The following KHDRBS2 variants were observed in gnomAD, a reference collection of about 807,000 sequenced individuals.
The protein encoded by KHDRBS2 is KH domain-containing, RNA-binding, signal transduction-associated protein 2.
A neutral mutation model predicts 44.3 loss-of-function variants in KHDRBS2; 26 were observed. The observed-to-expected ratio is 0.59, with a 90% CI of 0.43 to 0.81. The LOEUF is 0.81. KHDRBS2 is among the 40% of genes least tolerant of loss of function. The pLI is 0.00. For missense variants in KHDRBS2, 476 were observed against 433.1 expected (o/e 1.10, Z -0.88); for synonymous variants, 194 against 151.1 (o/e 1.28, Z -2.08).
At chr6:61,877,627 A>T (rs1379609470) in intron 6 of KHDRBS2, among the ~76,000 whole-genome samples, 3 of 151,884 alleles carry the variant, frequency 2.0e-5, no homozygotes, top group Non-Finnish European at 4.4e-5. Context: ...AACTACTTTT[A>T]AAAAAACTAT....
At chr6:61,926,385 C>T (rs935460197) in intron 4 of KHDRBS2, among the ~76,000 whole-genome samples, 10 of 151,934 alleles carry the variant, frequency 6.6e-5, no homozygotes, top group East Asian at 1.9e-4. Context: ...TGCAGGCAAA[C>T]GGATTACAAA....
intron 1 of KHDRBS2, among the ~76,000 whole-genome samples, chr6:62,244,424 T>C (rs1210601635): frequency 6.6e-6 from 1 of 152,040 alleles, no homozygotes; most frequent in Non-Finnish European, 1.5e-5. Flanking sequence ...AGTTCTGCTT[T>C]AAAAAACAAA....
intron 3 of KHDRBS2, among the ~76,000 whole-genome samples, chr6:62,023,589 G>C (rs949351647): frequency 2.0e-5 from 3 of 151,482 alleles, no homozygotes; most frequent in African/African-American, 7.2e-5. Context: ...GCCTAAATGA[G>C]TAATATCCAA....
the KHDRBS2 span, among the ~76,000 whole-genome samples, chr6:61,556,677 C>G: frequency 6.6e-6 from 1 of 151,846 alleles, no homozygotes; most frequent in Non-Finnish European, 1.5e-5. Flanking sequence ...CAAAAAAGAA[C>G]CTAATTCAGC....
At chr6:61,597,916 T>C in the KHDRBS2 span, among the ~76,000 whole-genome samples, 2 of 137,580 alleles carry the variant, frequency 1.5e-5, no homozygotes, top group Non-Finnish European at 3.2e-5. Flanking sequence ...TTTTTTGTGT[T>C]TTTTTTTTTA....
At chr6:61,848,546 TATATAC>T (rs1794913425) in intron 6 of KHDRBS2, among the ~76,000 whole-genome samples, 1 of 57,638 alleles carries the variant, frequency 1.7e-5, no homozygotes, top group Non-Finnish European at 2.8e-5. Context: ...TATATGTATA[TATATAC>T]ATATATATAT....
At chr6:61,981,118 G>A (rs540544721) in intron 3 of KHDRBS2, among the ~76,000 whole-genome samples, 1 of 152,114 alleles carries the variant, frequency 6.6e-6, no homozygotes, top group Non-Finnish European at 1.5e-5. Flanking sequence ...GAGCACCTTA[G>A]ATCCACACTG....
chr6:61,570,485 A>G, the KHDRBS2 span, among the ~76,000 whole-genome samples: 39 of 152,080 alleles, frequency 2.6e-4, no homozygotes, highest in African/African-American at 8.9e-4. Flanking sequence ...AAAGTTTGAA[A>G]AACTTATTTG....
At chr6:61,917,510 G>A (rs1807237926) in intron 4 of KHDRBS2, among the ~76,000 whole-genome samples, 1 of 151,808 alleles carries the variant, frequency 6.6e-6, no homozygotes, top group Admixed American at 6.6e-5. Context: ...ATGAATAGGT[G>A]GAGCACAGAA....
intron 1 of KHDRBS2, among the ~76,000 whole-genome samples, chr6:62,201,899 T>G (rs1230822377): frequency 2.0e-5 from 3 of 152,074 alleles, no homozygotes; most frequent in Admixed American, 6.6e-5. Flanking sequence ...CATAAATATT[T>G]AGAGCATATG....
At chr6:61,991,321 T>C (rs1369960979) in intron 3 of KHDRBS2, among the ~76,000 whole-genome samples, 12 of 152,170 alleles carry the variant, frequency 7.9e-5, no homozygotes, top group Non-Finnish European at 1.3e-4. Context: ...TCTTTGTAGA[T>C]AGTATTTTGA....
At chr6:61,687,867 T>C (rs1032225737) in intron 8 of KHDRBS2, among the ~76,000 whole-genome samples, 1 of 151,786 alleles carries the variant, frequency 6.6e-6, no homozygotes, top group Non-Finnish European at 1.5e-5. Context: ...ATGCATAATT[T>C]TTATCAGCTT....
chr6:62,211,343 C>T (rs1162127298), intron 1 of KHDRBS2, among the ~76,000 whole-genome samples: 1 of 152,022 alleles, frequency 6.6e-6, no homozygotes, highest in Non-Finnish European at 1.5e-5. Context: ...ACTAATAATG[C>T]ATTAGTTAAT....
chr6:61,772,275 C>G (rs1781056585), intron 6 of KHDRBS2, among the ~76,000 whole-genome samples: 1 of 152,020 alleles, frequency 6.6e-6, no homozygotes, highest in South Asian at 2.1e-4. Flanking sequence ...AAAGCAAGAG[C>G]AAACACATTC....
chr6:61,556,754 C>T, the KHDRBS2 span, among the ~76,000 whole-genome samples: 5 of 151,946 alleles, frequency 3.3e-5, no homozygotes, highest in Non-Finnish European at 5.9e-5. Flanking sequence ...TGCTTTAAGC[C>T]TTCCTCACCT....
intron 6 of KHDRBS2, among the ~76,000 whole-genome samples, chr6:61,768,540 C>T (rs1294620893): frequency 1.3e-5 from 2 of 152,000 alleles, no homozygotes; most frequent in Non-Finnish European, 2.9e-5. Flanking sequence ...ATGCTTCACT[C>T]TTTTTTATTC....
intron 6 of KHDRBS2, among the ~76,000 whole-genome samples, chr6:61,862,057 TG>T (rs1208223304): frequency 6.6e-6 from 1 of 152,142 alleles, no homozygotes; most frequent in African/African-American, 2.4e-5. Flanking sequence ...TCATGCACAT[TG>T]ATTTTATATA....
rs199917057 is a variant in KHDRBS2, at chr6:62,242,634, TA to T, written c.91+43223del. ...TACAGCAAACAAGAAAATCTTAATTTAAAAAAAAAAATATTTTTCCCCTAGG... is the reference window on the plus strand; with the variant it reads ...TACAGCAAACAAGAAAATCTTAATTTAAAAAAAAAATATTTTTCCCCTAGG... On this transcript the variant is annotated intron_variant, in intron 1 of 8. Coordinates refer to ENST00000281156, the MANE Select transcript of KHDRBS2 (RefSeq NM_152688.4). Among the ~76,000 whole-genome samples, 1,210 of 148,092 alleles carry T rather than the reference TA, an allele frequency of 8.2e-3. 9 individuals are homozygous for T. The highest frequency in any genetic ancestry group is 0.024 in the African/African-American group (974 of 40,632).
chr6:61,927,885 A>G (rs141544305), intron 4 of KHDRBS2, among the ~76,000 whole-genome samples: 220 of 152,256 alleles, frequency 1.4e-3, no homozygotes, highest in African/African-American at 5.1e-3. Flanking sequence ...ATAGTTATCT[A>G]TCTACAAATT....
Sources: allele counts gnomAD v4.1 joint callset (sites outside exome capture counted in the v4.1 genomes callset), GRCh38; gene constraint gnomAD v4.1.1; transcripts MANE v1.5; gene names NCBI Gene and HGNC (gene_info 2026-07-23, HGNC 2026-07-21).